The following HHIPL1 variants were observed in gnomAD, a reference collection of about 807,000 sequenced individuals.
HHIPL1 encodes the protein HHIP like 1.
Under a neutral mutation model 61.8 loss-of-function variants are expected in HHIPL1, and 43 were observed. The ratio of observed to expected loss-of-function variants is 0.70; its 90% CI spans 0.55 to 0.90. The LOEUF (loss-of-function observed/expected upper bound fraction) is 0.90. Among genes scored for constraint, HHIPL1 ranks in the 40% least tolerant of loss-of-function variants. The pLI, the probability that HHIPL1 is intolerant of heterozygous loss-of-function variation, is 0.00. For synonymous variants in HHIPL1, 482 were observed against 515.8 expected (o/e 0.93, Z 0.89); for missense variants, 1,056 against 1,157.7 (o/e 0.91, Z 1.28).
chr14:99,614,438 T>A, the HHIPL1 span, among the ~76,000 whole-genome samples: 1 of 152,184 alleles, frequency 6.6e-6, no homozygotes, highest in Non-Finnish European at 1.5e-5. Flanking sequence ...AAGAGGCAGC[T>A]AGCTGGTCAG....
chr14:99,618,286 G>A, the HHIPL1 span, among the ~76,000 whole-genome samples: 5 of 152,196 alleles, frequency 3.3e-5, no homozygotes, highest in African/African-American at 1.2e-4. Flanking sequence ...GGAAGCCTAT[G>A]GGAGAGCTGG....
Position 99,675,906 on chromosome 14 carries a change from G to A in HHIPL1, c.*280G>A, listed in dbSNP as rs2056386885. 2.6e-6 allele frequency: 1 copy of A among 379,430 alleles called. No individual in the cohort carries two copies. Among genetic ancestry groups the A allele is most frequent in the African/African-American group, 2.1e-5 (1 of 47,964 alleles). The allele number at this position is 379,430 out of a possible 1,614,324, so 23.5% of individuals were successfully genotyped here. A position where few individuals can be genotyped will look rare whatever the true frequency, so the allele number is the denominator to read the frequency against. ...CTCCAAGCGTTTCAGACACCAGCAGGAACAGCAGCCGGGCTGTGGGACCCT... is the reference window on the plus strand; with the variant it reads ...CTCCAAGCGTTTCAGACACCAGCAGAAACAGCAGCCGGGCTGTGGGACCCT... On this transcript the variant is annotated 3_prime_UTR_variant, in exon 9 of 9. Transcript: ENST00000330710. This position sits in a 1 kb window ranked among gnomAD's most constrained non-coding sequence, Gnocchi z 5.4.
At chr14:99,638,974 A>ATCAT in the HHIPL1 span, among the ~76,000 whole-genome samples, 5 of 152,244 alleles carry the variant, frequency 3.3e-5, no homozygotes, top group Non-Finnish European at 5.9e-5. Context: ...AGAGCATTTG[A>ATCAT]TCATTCATTC....
intron 1 of HHIPL1, among the ~76,000 whole-genome samples, chr14:99,649,022 C>A (rs536490769): frequency 2.0e-5 from 3 of 152,168 alleles, no homozygotes; most frequent in Non-Finnish European, 2.9e-5. Flanking sequence ...TGCCACCTGC[C>A]CCTAAACACA....
chr14:99,645,906 G>A (rs1265426022), intron 1 of HHIPL1, among the ~76,000 whole-genome samples: 1 of 152,196 alleles, frequency 6.6e-6, no homozygotes, highest in Non-Finnish European at 1.5e-5. Context: ...GGGGGCCCTG[G>A]CGTGGGCGTG....
the HHIPL1 span, among the ~76,000 whole-genome samples, chr14:99,623,175 G>A: frequency 6.6e-6 from 1 of 152,228 alleles, no homozygotes; most frequent in Non-Finnish European, 1.5e-5. Flanking sequence ...AGCCCTGCCA[G>A]CTCGGGCTTT....
chr14:99,634,607 G>A, the HHIPL1 span, among the ~76,000 whole-genome samples: 10 of 152,308 alleles, frequency 6.6e-5, no homozygotes, highest in East Asian at 1.7e-3. Context: ...CATGGGAAGT[G>A]TTAGAATGTT....
At chr14:99,666,782 A>C (rs575168465) in intron 6 of HHIPL1, among the ~76,000 whole-genome samples, 4 of 152,214 alleles carry the variant, frequency 2.6e-5, no homozygotes, top group Middle Eastern at 3.4e-3. Flanking sequence ...CATCATCACC[A>C]TGTGTGCCTA....
At chr14:99,627,196 CCA>C in the HHIPL1 span, among the ~76,000 whole-genome samples, 1 of 7,172 alleles carries the variant, frequency 1.4e-4, no homozygotes, top group East Asian at 0.071. This position sits in a 1 kb window ranked among gnomAD's most constrained non-coding sequence, Gnocchi z 4.4. Context: ...TTCTATCTTC[CCA>C]TCCATCCATC....
chr14:99,615,686 AGAAAGAAAGAGAAAGAAAGAAAGAAG>A, the HHIPL1 span, among the ~76,000 whole-genome samples: 4 of 151,496 alleles, frequency 2.6e-5, no homozygotes, highest in Non-Finnish European at 5.9e-5. Context: ...AAGGAAGGAA[AGAAAGAAAGAGAAAGAAAGAAAGAAG>A]GAAAGAAAGA....
chr14:99,659,313 G>T, intron 3 of HHIPL1, 115 bp from the exon 4 acceptor site: 1 of 782,948 alleles, frequency 1.3e-6, no homozygotes, highest in South Asian at 2.3e-5. Flanking sequence ...CACAGCCTAG[G>T]CTCACCCTGC....
At chr14:99,637,251 A>AGAAG in the HHIPL1 span, among the ~76,000 whole-genome samples, 1 of 145,254 alleles carries the variant, frequency 6.9e-6, no homozygotes, top group African/African-American at 2.6e-5. Flanking sequence ...AAAGAAAGAA[A>AGAAG]GAAAGAAAGA....
At chr14:99,610,149 G>A in the HHIPL1 span, among the ~76,000 whole-genome samples, 3 of 152,260 alleles carry the variant, frequency 2.0e-5, no homozygotes, top group East Asian at 3.9e-4. Flanking sequence ...TCACACCATC[G>A]CCTGATGGAA....
At chr14:99,622,801 A>G in the HHIPL1 span, among the ~76,000 whole-genome samples, 14 of 152,190 alleles carry the variant, frequency 9.2e-5, no homozygotes, top group African/African-American at 2.9e-4. Flanking sequence ...AACTTCTCTG[A>G]GCCTCACTTT....
chr14:99,668,774 T>A lies in HHIPL1; in HGVS notation c.1730+471T>A. 1 of 1,566,970 alleles carries A rather than the reference T, an allele frequency of 6.4e-7. No individual in the cohort carries two copies. The highest frequency in any genetic ancestry group is 8.7e-7 in the Non-Finnish European group (1 of 1,152,540). Reference sequence around the variant, plus strand: ...CTTCCTCCTGTGGTCCATCTTCCACTGGGGAAAACACATTGGGGCTCCCTT... The same window carrying A: ...CTTCCTCCTGTGGTCCATCTTCCACAGGGGAAAACACATTGGGGCTCCCTT... On this transcript the variant is annotated intron_variant, in intron 7 of 8. Coordinates refer to ENST00000330710, the MANE Select transcript of HHIPL1 (RefSeq NM_001127258.3). This position sits in a 1 kb window ranked among gnomAD's most constrained non-coding sequence, Gnocchi z 4.7.
intron 1 of HHIPL1, among the ~76,000 whole-genome samples, chr14:99,647,684 C>A (rs1426692987): frequency 6.6e-6 from 1 of 152,194 alleles, no homozygotes; most frequent in East Asian, 1.9e-4. Context: ...GGCGGGAGGA[C>A]CATGCTCTCT....
chr14:99,639,133 T>C, the HHIPL1 span, among the ~76,000 whole-genome samples: 1 of 152,278 alleles, frequency 6.6e-6, no homozygotes, highest in African/African-American at 2.4e-5. Context: ...TTCAGGGAGC[T>C]GCCTAACTGG....
the HHIPL1 span, among the ~76,000 whole-genome samples, chr14:99,620,642 GGGGCC>G: frequency 6.6e-6 from 1 of 152,238 alleles, no homozygotes; most frequent in Non-Finnish European, 1.5e-5. Context: ...AAGGGGGACA[GGGGCC>G]ACTGTGGGAA....
At chr14:99,661,955 C>T (rs564691885) in intron 5 of HHIPL1, among the ~76,000 whole-genome samples, 6 of 152,236 alleles carry the variant, frequency 3.9e-5, no homozygotes, top group East Asian at 1.9e-4. Flanking sequence ...CTCCCAGATC[C>T]GCCCCTTCCC....
Sources: gnomAD v4.1 joint callset for allele counts (sites outside exome capture counted in the v4.1 genomes callset) on GRCh38, gnomAD v4.1.1 for gene constraint, Gnocchi (gnomAD v3.1) non-coding constraint, MANE v1.5 for transcripts, NCBI Gene and HGNC (gene_info 2026-07-23, HGNC 2026-07-21) for gene names.